Variants in C6orf89 observed in about 807,000 individuals in gnomAD.
C6orf89 encodes the protein bombesin receptor-activated protein C6orf89.
C6orf89 carries 29 observed loss-of-function variants against 40.7 expected under a neutral mutation model. The observed-to-expected ratio is 0.71, with a 90% CI of 0.53 to 0.97. C6orf89 has a LOEUF of 0.97. Among genes scored for constraint, C6orf89 ranks in the 50% least tolerant of loss-of-function variants. The pLI, the probability that C6orf89 is intolerant of heterozygous loss-of-function variation, is 0.00. For synonymous variants in C6orf89, 165 were observed against 152.2 expected (o/e 1.08, Z -0.62); for missense variants, 392 against 429.1 (o/e 0.91, Z 0.76).
chr6:36,921,975 C>G (rs1330262405), intron 8 of C6orf89, among the ~76,000 whole-genome samples: 1 of 152,182 alleles, frequency 6.6e-6, no homozygotes, highest in African/African-American at 2.4e-5. Flanking sequence ...CTGCAGTGAG[C>G]TATGACTGCA....
chr6:36,907,208 G>A (rs947658645), intron 4 of C6orf89, among the ~76,000 whole-genome samples: 2 of 152,178 alleles, frequency 1.3e-5, no homozygotes, highest in African/African-American at 4.8e-5. Flanking sequence ...AGCTAGTATT[G>A]GCTTTGTTCT....
At chr6:36,880,754 C>T (rs1774785691) in intron 2 of C6orf89, among the ~76,000 whole-genome samples, 1 of 152,130 alleles carries the variant, frequency 6.6e-6, no homozygotes, top group African/African-American at 2.4e-5. Flanking sequence ...TGCCCCCTAG[C>T]TATACAAAGG....
intron 7 of C6orf89, among the ~76,000 whole-genome samples, chr6:36,919,135 G>C (rs1389178498): frequency 1.3e-5 from 2 of 152,236 alleles, no homozygotes; most frequent in Admixed American, 6.5e-5. Flanking sequence ...CATCAAACCA[G>C]AATCTCAGAA....
chr6:36,890,616 C>T (rs1047589582), intron 1 of C6orf89, among the ~76,000 whole-genome samples: 3 of 152,302 alleles, frequency 2.0e-5, no homozygotes, highest in Admixed American at 6.5e-5. Flanking sequence ...TCACTGCAAC[C>T]TCCACCTCCC....
chr6:36,874,857 C>G (rs576061100), intron 1 of C6orf89: 1 of 1,473,128 alleles, frequency 6.8e-7, no homozygotes, highest in South Asian at 1.2e-5. Flanking sequence ...TGCACACTTC[C>G]GGTCCGTTCA....
rs1762608929 is a variant in C6orf89, at chr6:36,924,185, C to T, written c.*744C>T. The T allele has an allele frequency of 1.3e-5, 2 of 154,744 alleles. No individual in the cohort carries two copies. Among genetic ancestry groups the T allele is most frequent in the Non-Finnish European group, 2.9e-5 (2 of 69,700 alleles). The allele number at this position is 154,744 out of a possible 1,614,324, so 9.6% of individuals were successfully genotyped here. On this transcript the variant is annotated 3_prime_UTR_variant, in exon 9 of 9. Coordinates refer to ENST00000480824, the MANE Select transcript of C6orf89 (RefSeq NM_001286635.2). ...CTATCTGGATGGCTTCTCAGAAGCT[C>T]GGCCCTAGTCCTCCCTGCCTTGGCG...
At chr6:36,904,355 T>C (rs1761847033) in intron 4 of C6orf89, among the ~76,000 whole-genome samples, 2 of 152,232 alleles carry the variant, frequency 1.3e-5, no homozygotes, top group South Asian at 2.1e-4. Flanking sequence ...AAATGAGTCC[T>C]TGGAGCTCAG....
intron 1 of C6orf89, chr6:36,874,862 C>A: frequency 3.5e-6 from 5 of 1,427,452 alleles, no homozygotes; most frequent in Non-Finnish European, 4.9e-6. Context: ...ACTTCCGGTC[C>A]GTTCAACCCT....
At position 36,910,370 on chromosome 6, in the gene C6orf89, T is replaced by C. The variant is rs182077769; in HGVS notation, c.404-3914T>C. Among the ~76,000 whole-genome samples the C allele has an allele frequency of 5.8e-3, 881 of 152,320 alleles. 5 individuals carry two copies. The highest frequency in any genetic ancestry group is 0.044 in the Middle Eastern group (13 of 294). ...CTAACTTTATTTTCTTCCATATAGA[T>C]GGTCACTTGTCCCAATTTGATTTAT... On this transcript the variant is annotated intron_variant, in intron 4 of 8. Transcript: ENST00000480824.
intron 2 of C6orf89, among the ~76,000 whole-genome samples, chr6:36,897,560 C>A (rs1262575399): frequency 6.6e-6 from 1 of 152,178 alleles, no homozygotes; most frequent in Non-Finnish European, 1.5e-5. Flanking sequence ...TCCCCCAGTT[C>A]CTGGAAGTCT....
intron 4 of C6orf89, among the ~76,000 whole-genome samples, chr6:36,905,727 T>G (rs1761903310): frequency 6.6e-6 from 1 of 152,200 alleles, no homozygotes. Context: ...GTCACTTTAC[T>G]CCTGCCGGCC....
At chr6:36,903,273 G>A (rs1761791505) in intron 4 of C6orf89, among the ~76,000 whole-genome samples, 2 of 151,724 alleles carry the variant, frequency 1.3e-5, no homozygotes, top group South Asian at 2.1e-4. Context: ...TGAGAAAGGG[G>A]GATATTATTT....
In C6orf89 at chr6:36,901,413, C is replaced by A. The variant is rs571521768; in HGVS notation, c.190-808C>A. On this transcript the variant is annotated intron_variant, in intron 3 of 8. Coordinates refer to ENST00000480824, the MANE Select transcript of C6orf89 (RefSeq NM_001286635.2). ...GCAGTGGTGCGATCTTGGCTCACTG[C>A]AAGCTCCATCTCCCAGGTTCACACC... 2.6e-4 allele frequency among the ~76,000 whole-genome samples: 36 copies of A among 137,196 alleles called. No individual in the cohort carries two copies. The East Asian group carries it at 6.9e-3, about 26-fold the overall frequency. 90.0% of individuals were successfully genotyped at this position (137,196 alleles called of 152,430 possible).
In C6orf89 at chr6:36,885,983, A is replaced by C. The variant is rs1201008699; in HGVS notation, c.-165A>C. On this transcript the variant is annotated 5_prime_UTR_variant, in exon 1 of 9. Coordinates refer to ENST00000480824, the MANE Select transcript of C6orf89 (RefSeq NM_001286635.2). ...TTGCCCATCCTCCTCGCCCGGCGGCAGCTGTCCCCGAGGCGGGAGGAGCCC... is the reference window on the plus strand; with the variant it reads ...TTGCCCATCCTCCTCGCCCGGCGGCCGCTGTCCCCGAGGCGGGAGGAGCCC... 35 of 1,241,126 alleles carry C rather than the reference A, an allele frequency of 2.8e-5. No homozygotes were observed. In the Middle Eastern group the frequency reaches 8.8e-4, roughly 31 times the overall value. The allele number at this position is 1,241,126 out of a possible 1,614,324, so 76.9% of individuals were successfully genotyped here. A position where few individuals can be genotyped will look rare whatever the true frequency, so the allele number is the denominator to read the frequency against.
At chr6:36,882,403 T>C (rs1030062673), upstream of C6orf89, among the ~76,000 whole-genome samples, 1 of 152,230 alleles carries the variant, frequency 6.6e-6, no homozygotes, top group Non-Finnish European at 1.5e-5. Context: ...ATCAGTGCTA[T>C]GCACCTAAAT....
intron 8 of C6orf89, among the ~76,000 whole-genome samples, chr6:36,922,118 C>G (rs1340598288): frequency 6.6e-6 from 1 of 152,096 alleles, no homozygotes; most frequent in Non-Finnish European, 1.5e-5. Context: ...GGGCAGATCA[C>G]CTGAGGTCAG....
intron 4 of C6orf89, among the ~76,000 whole-genome samples, chr6:36,909,677 G>A (rs748001270): frequency 6.6e-6 from 1 of 151,692 alleles, no homozygotes; most frequent in African/African-American, 2.4e-5. Context: ...AGCTACTCTG[G>A]CAGCTGAGGT....
At chr6:36,906,726 G>C (rs73420335) in intron 4 of C6orf89, among the ~76,000 whole-genome samples, 1 of 152,112 alleles carries the variant, frequency 6.6e-6, no homozygotes, top group Admixed American at 6.5e-5. Context: ...CCTGGCAGAA[G>C]CCTCCTTCAT....
At chr6:36,898,870 A>G (rs1448801521) in intron 2 of C6orf89, among the ~76,000 whole-genome samples, 1 of 152,162 alleles carries the variant, frequency 6.6e-6, no homozygotes, top group Non-Finnish European at 1.5e-5. Flanking sequence ...GAGGACTGCA[A>G]GCCACATGCC....
Sources: gnomAD v4.1 joint callset for allele counts (sites outside exome capture counted in the v4.1 genomes callset) on GRCh38, gnomAD v4.1.1 for gene constraint, MANE v1.5 for transcripts, NCBI Gene and HGNC (gene_info 2026-07-23, HGNC 2026-07-21) for gene names.